The following CSGALNACT1 variants were observed in gnomAD, a reference collection of about 807,000 sequenced individuals.
The protein encoded by CSGALNACT1 is chondroitin sulfate N-acetylgalactosaminyltransferase 1, also known as beta4GalNAcT-1.
A neutral mutation model predicts 51.0 loss-of-function variants in CSGALNACT1; 52 were observed. The observed-to-expected ratio is 1.02, with a 90% CI of 0.82 to 1.29. CSGALNACT1 has a LOEUF of 1.29. CSGALNACT1 is among the 50% of genes most tolerant of loss of function. CSGALNACT1 has a pLI of 0.00. For synonymous variants in CSGALNACT1, 341 were observed against 254.4 expected (o/e 1.34, Z -3.24); for missense variants, 935 against 679.2 (o/e 1.38, Z -4.19).
chr8:19,427,999 G>A (rs1280557575), intron 6 of CSGALNACT1, among the ~76,000 whole-genome samples: 2 of 152,098 alleles, frequency 1.3e-5, no homozygotes, highest in African/African-American at 4.8e-5. Context: ...CCTGGGCAGA[G>A]GCTCAAGGTT....
chr8:19,652,698 A>T (rs961249252), intron 1 of CSGALNACT1, among the ~76,000 whole-genome samples: 3 of 152,124 alleles, frequency 2.0e-5, no homozygotes, highest in Non-Finnish European at 4.4e-5. Flanking sequence ...TGCTTTCCCC[A>T]CCTCCTGCTG....
At chr8:19,687,048 T>A (rs908062749), upstream of CSGALNACT1, among the ~76,000 whole-genome samples, 1 of 152,222 alleles carries the variant, frequency 6.6e-6, no homozygotes, top group Admixed American at 6.5e-5. Flanking sequence ...ATGCCCTGTA[T>A]AACTTAAATG....
intron 8 of CSGALNACT1, among the ~76,000 whole-genome samples, 164 bp from the exon 8 acceptor site, chr8:19,408,858 G>T (rs1339589187): frequency 6.6e-6 from 1 of 151,906 alleles, no homozygotes; most frequent in East Asian, 1.9e-4. Context: ...CTTGCAGACA[G>T]TCAGGAATAC....
At chr8:19,670,784 TA>T (rs1040250403) in intron 1 of CSGALNACT1, among the ~76,000 whole-genome samples, 1 of 152,016 alleles carries the variant, frequency 6.6e-6, no homozygotes, top group Non-Finnish European at 1.5e-5. Flanking sequence ...GTTTCTGTCC[TA>T]AAATAGATTG....
At chr8:19,641,128 CTTTTTTTTT>C (rs56681695) in intron 1 of CSGALNACT1, among the ~76,000 whole-genome samples, 22 of 99,988 alleles carry the variant, frequency 2.2e-4, no homozygotes, top group East Asian at 4.8e-4. Flanking sequence ...GGTGACTGGT[CTTTTTTTTT>C]TTTTTTTTTT....
intron 2 of CSGALNACT1, among the ~76,000 whole-genome samples, chr8:19,596,730 C>T (rs910132642): frequency 6.6e-6 from 1 of 151,932 alleles, no homozygotes; most frequent in Non-Finnish European, 1.5e-5. Flanking sequence ...AAGCTCAAAC[C>T]ATGAACTCTA....
intron 3 of CSGALNACT1, among the ~76,000 whole-genome samples, chr8:19,525,896 T>G (rs1236057680): frequency 2.6e-5 from 4 of 152,158 alleles, no homozygotes. Flanking sequence ...GCGTCAGTGC[T>G]GCTCCACTGC....
chr8:19,473,229 G>A (rs1460894019), intron 4 of CSGALNACT1, among the ~76,000 whole-genome samples: 3 of 152,212 alleles, frequency 2.0e-5, no homozygotes, highest in Non-Finnish European at 4.4e-5. Flanking sequence ...TCAAGGCAAT[G>A]TTTTAGCAAG....
chr8:19,477,934 C>G (rs1055472163), intron 4 of CSGALNACT1, among the ~76,000 whole-genome samples: 12 of 152,214 alleles, frequency 7.9e-5, no homozygotes, highest in Non-Finnish European at 1.5e-5. Context: ...GCCAGTTAGA[C>G]AGTCAAATAT....
chr8:19,461,906 G>C (rs1320375040), intron 4 of CSGALNACT1, among the ~76,000 whole-genome samples: 257 of 151,300 alleles, frequency 1.7e-3, no homozygotes, highest in East Asian at 4.9e-3. Flanking sequence ...CATGGAGGGT[G>C]TATCCGCACA....
intron 1 of CSGALNACT1, among the ~76,000 whole-genome samples, chr8:19,630,244 ATG>A (rs1480740436): frequency 8.1e-5 from 6 of 73,788 alleles, no homozygotes; most frequent in East Asian, 3.4e-4. Context: ...GTGTGTGTGT[ATG>A]TGTGTGTGTT....
At chr8:19,458,738 G>T (rs1001973778) in intron 4 of CSGALNACT1, 96 bp from the exon 4 acceptor site, 2 of 1,147,534 alleles carry the variant, frequency 1.7e-6, no homozygotes, top group African/African-American at 3.0e-5. Context: ...CCTTTAAAAA[G>T]TGTTTAAGAT....
chr8:19,460,145 A>T (rs1291892376), intron 4 of CSGALNACT1, among the ~76,000 whole-genome samples: 3 of 152,168 alleles, frequency 2.0e-5, no homozygotes, highest in Non-Finnish European at 2.9e-5. Flanking sequence ...AAACCCAACA[A>T]ATCAGAAAAG....
intron 6 of CSGALNACT1, among the ~76,000 whole-genome samples, chr8:19,436,246 A>C (rs2060356458): frequency 2.0e-5 from 3 of 152,236 alleles, no homozygotes; most frequent in Admixed American, 2.0e-4. Flanking sequence ...CATAAATTTC[A>C]TTTAGTGTGA....
chr8:19,616,682 TTCTCTC>T (rs141483018), intron 1 of CSGALNACT1, among the ~76,000 whole-genome samples: 1 of 150,340 alleles, frequency 6.7e-6, no homozygotes, highest in Non-Finnish European at 1.5e-5. Context: ...TCCCCCCTCA[TTCTCTC>T]TCTCTCTCTC....
rs183044530 is a variant in CSGALNACT1, at chr8:19,640,741, A to G, written c.-543-38876T>C. On this transcript the variant is annotated intron_variant, in intron 1 of 9. Coordinates refer to the CSGALNACT1 transcript ENST00000332246. The stretch of plus-strand genomic sequence containing the variant: ...GGTCTTTGCCTGACTCGCATGCTAT[A>G]AATTCTATTAACCAAACTCTGCAGG... Among the ~76,000 whole-genome samples, 281 of 152,350 alleles carry G rather than the reference A, an allele frequency of 1.8e-3. 4 individuals carry two copies. Among genetic ancestry groups the G allele is most frequent in the South Asian group, 0.016 (75 of 4,834 alleles).
intron 5 of CSGALNACT1, among the ~76,000 whole-genome samples, chr8:19,453,407 T>C (rs1488910708): frequency 6.6e-6 from 1 of 151,432 alleles, no homozygotes; most frequent in Admixed American, 6.6e-5. Context: ...ACAATAAAGG[T>C]TTAAGTAAAA....
intron 1 of CSGALNACT1, among the ~76,000 whole-genome samples, chr8:19,643,806 G>C (rs902146358): frequency 3.9e-5 from 6 of 152,308 alleles, no homozygotes; most frequent in Middle Eastern, 3.4e-3. Context: ...GGAGAATATT[G>C]AGTCCAGGCT....
intron 1 of CSGALNACT1, among the ~76,000 whole-genome samples, chr8:19,670,899 G>A (rs549471386): frequency 6.6e-6 from 1 of 152,146 alleles, no homozygotes; most frequent in Non-Finnish European, 1.5e-5. Context: ...GAACTGCACT[G>A]TGTGCTTGGC....
Sources: gnomAD v4.1 joint callset for allele counts (sites outside exome capture counted in the v4.1 genomes callset) on GRCh38, gnomAD v4.1.1 for gene constraint, MANE v1.5 for transcripts, NCBI Gene and HGNC (gene_info 2026-07-23, HGNC 2026-07-21) for gene names.